Variants in ELP4 observed in about 807,000 individuals in gnomAD.
The protein encoded by ELP4 is elongator complex protein 4.
A neutral mutation model predicts 48.9 loss-of-function variants in ELP4; 51 were observed. The observed-to-expected ratio is 1.04, with a 90% CI of 0.83 to 1.32. The LOEUF (loss-of-function observed/expected upper bound fraction) is 1.32, where lower values mean the gene tolerates loss of function less well. ELP4 is among the 40% of genes most tolerant of loss of function. The pLI is 0.00. For synonymous variants in ELP4, 210 were observed against 189.2 expected, an observed-to-expected ratio of 1.11 and a Z score of -0.90; for missense variants, 519 against 514.6, an observed-to-expected ratio of 1.01 and a Z score of -0.08.
rs1359380594 is a variant in ELP4 at position 31,786,468 on chromosome 11, T to C, written c.*2944T>C. ...GAAAAACAAAAAAGCAGATGAGGTT[T>C]ATTCTTGAGAAATGAAAAAGAGAAG... is the stretch of plus-strand genomic sequence containing the variant. On this transcript the variant is annotated 3_prime_UTR_variant, in exon 10 of 10. Transcript: ENST00000640961. 2 of 221,180 alleles carry C rather than the reference T, an allele frequency of 9.0e-6. No individual in the cohort carries two copies. The highest frequency in any genetic ancestry group is 9.0e-6 in the Non-Finnish European group (1 of 110,514). 13.7% of individuals were successfully genotyped at this position (221,180 alleles called of 1,614,324 possible).
chr11:31,576,633 ACACT>A (rs1565062581), intron 3 of ELP4, among the ~76,000 whole-genome samples: 1 of 152,228 alleles, frequency 6.6e-6, no homozygotes, highest in African/African-American at 2.4e-5. Context: ...CAGGATTAAG[ACACT>A]CACTCAAAAC....
intron 3 of ELP4, among the ~76,000 whole-genome samples, chr11:31,543,412 C>T (rs150439840): frequency 0.027 from 4,037 of 152,112 alleles, 169 homozygotes; most frequent in African/African-American, 0.092. Flanking sequence ...CTCCGCCTCC[C>T]GGGTTCATGC....
intron 9 of ELP4, among the ~76,000 whole-genome samples, chr11:31,712,511 G>A (rs1012375118): frequency 6.6e-5 from 10 of 152,052 alleles, no homozygotes; most frequent in Admixed American, 5.9e-4. Context: ...TAAATCCTAA[G>A]AGGCTTCTAT....
chr11:31,523,608 A>G (rs1341969744), intron 2 of ELP4, among the ~76,000 whole-genome samples: 1 of 152,180 alleles, frequency 6.6e-6, no homozygotes, highest in Non-Finnish European at 1.5e-5. Flanking sequence ...GAATATAGCA[A>G]AATAAATACA....
At chr11:31,602,649 G>A (rs1378430480) in intron 4 of ELP4, among the ~76,000 whole-genome samples, 1 of 151,874 alleles carries the variant, frequency 6.6e-6, no homozygotes, top group East Asian at 1.9e-4. Context: ...TAGGCATTTA[G>A]TTTAAGAATA....
intron 9 of ELP4, among the ~76,000 whole-genome samples, chr11:31,701,576 T>C (rs547058381): frequency 6.6e-6 from 1 of 151,974 alleles, no homozygotes; most frequent in East Asian, 1.9e-4. Flanking sequence ...AATTTTATAA[T>C]AGCTCTGTCT....
chr11:31,553,190 T>C (rs955465773), intron 3 of ELP4, among the ~76,000 whole-genome samples: 1 of 152,198 alleles, frequency 6.6e-6, no homozygotes, highest in African/African-American at 2.4e-5. Context: ...TTCTGTTTTA[T>C]TCATTGCTAT....
chr11:31,552,229 A>G (rs147427203), intron 3 of ELP4, among the ~76,000 whole-genome samples: 2 of 152,070 alleles, frequency 1.3e-5, no homozygotes, highest in Non-Finnish European at 2.9e-5. Flanking sequence ...TCAAACTTTT[A>G]ATAGACGTGT....
At chr11:31,591,108 A>G (rs1957561628) in intron 3 of ELP4, among the ~76,000 whole-genome samples, 1 of 152,124 alleles carries the variant, frequency 6.6e-6, no homozygotes, top group African/African-American at 2.4e-5. Flanking sequence ...AAACAGCCCA[A>G]TTTAAAAATG....
intron 9 of ELP4, among the ~76,000 whole-genome samples, chr11:31,702,760 C>T (rs972095387): frequency 5.3e-5 from 8 of 151,948 alleles, no homozygotes; most frequent in Non-Finnish European, 1.2e-4. Context: ...TTTTTAATTG[C>T]CTTCAGGTAT....
chr11:31,595,734 G>T (rs759570058), intron 4 of ELP4, among the ~76,000 whole-genome samples: 1 of 152,114 alleles, frequency 6.6e-6, no homozygotes, highest in Non-Finnish European at 1.5e-5. Flanking sequence ...CACAGCCTTA[G>T]AATTCTTCTC....
At chr11:31,579,969 A>C (rs1957360303) in intron 3 of ELP4, among the ~76,000 whole-genome samples, 1 of 151,946 alleles carries the variant, frequency 6.6e-6, no homozygotes, top group South Asian at 2.1e-4. Flanking sequence ...AACAACTAGA[A>C]AAAAAAAGTC....
intron 1 of ELP4, among the ~76,000 whole-genome samples, chr11:31,517,076 A>G (rs751465476): frequency 2.2e-4 from 33 of 152,196 alleles, no homozygotes; most frequent in Non-Finnish European, 2.9e-5. Context: ...GCTTAGCACA[A>G]GTCTCATGTT....
intron 3 of ELP4, among the ~76,000 whole-genome samples, chr11:31,591,825 C>A (rs188136473): frequency 1.3e-5 from 2 of 152,102 alleles, no homozygotes; most frequent in Non-Finnish European, 2.9e-5. Context: ...AGCAGCATTA[C>A]TCATAATAAC....
chr11:31,744,953 C>A (rs1035480378), intron 9 of ELP4, among the ~76,000 whole-genome samples: 28 of 152,034 alleles, frequency 1.8e-4, no homozygotes, highest in Non-Finnish European at 3.5e-4. Context: ...TCAAATTGTC[C>A]CTGTTTGCAG....
At chr11:31,607,252 AT>A (rs1957893004) in intron 5 of ELP4, among the ~76,000 whole-genome samples, 1 of 152,196 alleles carries the variant, frequency 6.6e-6, no homozygotes, top group Non-Finnish European at 1.5e-5. Context: ...TTGTTATGGC[AT>A]CCTATCTTTG....
chr11:31,552,572 A>G (rs1330601629), intron 3 of ELP4, among the ~76,000 whole-genome samples: 1 of 152,150 alleles, frequency 6.6e-6, no homozygotes, highest in African/African-American at 2.4e-5. Context: ...GCCTAAACCA[A>G]GGATTCATCC....
chr11:31,640,360 G>C (rs553638178), intron 7 of ELP4, among the ~76,000 whole-genome samples: 5 of 151,810 alleles, frequency 3.3e-5, no homozygotes, highest in African/African-American at 1.2e-4. Context: ...ACTTGGTTAC[G>C]TACTTTCCCT....
At chr11:31,600,512 AAATACCATTTTTTC>A (rs946717762) in intron 4 of ELP4, 2 of 151,942 alleles carry the variant, frequency 1.3e-5, no homozygotes, top group Non-Finnish European at 2.9e-5. Flanking sequence ...GATGACCAAC[AAATACCATTTTTTC>A]AATAAGGCAA....
Sources: allele counts gnomAD v4.1 joint callset (sites outside exome capture counted in the v4.1 genomes callset), GRCh38; gene constraint gnomAD v4.1.1; transcripts MANE v1.5; gene names NCBI Gene and HGNC (gene_info 2026-07-23, HGNC 2026-07-21).